MCU: variants seen among roughly 807,000 people sequenced by gnomAD.
MCU encodes the protein mitochondrial calcium uniporter, also known as calcium uniporter protein, mitochondrial.
Under a neutral mutation model 45.2 loss-of-function variants are expected in MCU, and 12 were observed. That is an observed-to-expected ratio of 0.27 (90% confidence interval 0.17 to 0.43). MCU has a LOEUF of 0.43. MCU is among the 20% of genes least tolerant of loss of function. The pLI is 1.00. For missense variants in MCU, 324 were observed against 436.7 expected (o/e 0.74, Z 2.30); for synonymous variants, 160 against 165.1 (o/e 0.97, Z 0.24).
chr10:72,753,210 G>A (rs906237056), intron 1 of MCU, among the ~76,000 whole-genome samples: 1 of 152,134 alleles, frequency 6.6e-6, no homozygotes, highest in African/African-American at 2.4e-5. Context: ...AGTGATCTGT[G>A]AGCATGATTA....
chr10:72,766,366 T>C (rs1843726566), intron 1 of MCU, among the ~76,000 whole-genome samples: 1 of 152,196 alleles, frequency 6.6e-6, no homozygotes, highest in African/African-American at 2.4e-5. Context: ...AGTCAAGGTT[T>C]GCCACAGTCT....
chr10:72,876,927 T>G (rs200124245), intron 6 of MCU, among the ~76,000 whole-genome samples: 24,142 of 149,452 alleles, frequency 0.16, 3,722 homozygotes, highest in African/African-American at 0.42. Context: ...CACAGTTTTT[T>G]TTTTTTTTTT....
chr10:72,698,958 C>T (rs1842722970), intron 1 of MCU, among the ~76,000 whole-genome samples: 1 of 152,088 alleles, frequency 6.6e-6, no homozygotes, highest in Non-Finnish European at 1.5e-5. Context: ...CACAATCCAC[C>T]ACACTGGGCT....
At position 72,813,511 on chromosome 10, in the gene MCU, T is replaced by C. The variant is rs144520934; in HGVS notation, c.151-20848T>C. Among the ~76,000 whole-genome samples, 419 of 130,906 alleles carry C rather than the reference T, an allele frequency of 3.2e-3. 4 individuals are homozygous for C. Among genetic ancestry groups the C allele is most frequent in the African/African-American group, 0.012 (394 of 34,114 alleles). The allele number at this position is 130,906 out of a possible 152,430, so 85.9% of individuals were successfully genotyped here. A position where few individuals can be genotyped will look rare whatever the true frequency, so the allele number is the denominator to read the frequency against. ...TCTTGCTCTGTTGCCCAAGCTGGAGTGCAGTGGCACAATCTTGTCTCACTG... is the reference window on the plus strand; with the variant it reads ...TCTTGCTCTGTTGCCCAAGCTGGAGCGCAGTGGCACAATCTTGTCTCACTG... On this transcript the variant is annotated intron_variant, in intron 1 of 7. Transcript: ENST00000373053.
chr10:72,753,060 G>A (rs1843525291), intron 1 of MCU, among the ~76,000 whole-genome samples: 1 of 152,154 alleles, frequency 6.6e-6, no homozygotes, highest in African/African-American at 2.4e-5. Flanking sequence ...AGTGGTTGTG[G>A]TGACTTTTTA....
chr10:72,712,130 A>G (rs1173453670), intron 1 of MCU, among the ~76,000 whole-genome samples: 1 of 152,084 alleles, frequency 6.6e-6, no homozygotes, highest in African/African-American at 2.4e-5. Context: ...TCTATTTCAT[A>G]TATTTAAACC....
At position 72,768,448 on chromosome 10, in the gene MCU, C is replaced by G. The variant is rs141166608; in HGVS notation, c.151-65911C>G. On this transcript the variant is annotated intron_variant, in intron 1 of 7. Transcript: ENST00000373053. Reference sequence around the variant, plus strand: ...AGAATTCCAGTAAATTAGAATTAGGCAAATCAGTCTTGAACACTATGCTAA... The same window carrying G: ...AGAATTCCAGTAAATTAGAATTAGGGAAATCAGTCTTGAACACTATGCTAA... Among the ~76,000 whole-genome samples, 684 of 152,226 alleles carry G rather than the reference C, an allele frequency of 4.5e-3. 5 individuals are homozygous for G. Among genetic ancestry groups the G allele is most frequent in the African/African-American group, 0.016 (651 of 41,542 alleles).
chr10:72,735,096 G>C (rs1445666938), intron 1 of MCU, among the ~76,000 whole-genome samples: 1 of 131,270 alleles, frequency 7.6e-6, no homozygotes, highest in Non-Finnish European at 1.6e-5. Context: ...AAATTCGTCT[G>C]TGTTGTATCA....
chr10:72,839,436 T>C, intron 2 of MCU, among the ~76,000 whole-genome samples: 1 of 152,144 alleles, frequency 6.6e-6, no homozygotes, highest in East Asian at 1.9e-4. Flanking sequence ...AGTTAAACCT[T>C]TTCCAAAAAT....
rs148281115 is a variant in MCU, at chr10:72,801,166, G to C, written c.151-33193G>C. Among the ~76,000 whole-genome samples the C allele has an allele frequency of 8.5e-5, 13 of 152,196 alleles. No individual in the cohort carries two copies. The East Asian group carries it at 2.5e-3, about 29-fold the overall frequency. Reference sequence around the variant, plus strand: ...ATTTTCACTAATTTGTGGGGGTGGGGATAGGTAGAGGCCATATTCATAGTA... The same window carrying C: ...ATTTTCACTAATTTGTGGGGGTGGGCATAGGTAGAGGCCATATTCATAGTA... On this transcript the variant is annotated intron_variant, in intron 1 of 7. Transcript: ENST00000373053.
At chr10:72,785,141 A>G (rs1482910543) in intron 1 of MCU, among the ~76,000 whole-genome samples, 1 of 152,184 alleles carries the variant, frequency 6.6e-6, no homozygotes, top group African/African-American at 2.4e-5. Context: ...TTCCACATAT[A>G]TTACACAGTC....
At chr10:72,692,872 T>C in intron 1 of MCU, 1 of 1,446,550 alleles carries the variant, frequency 6.9e-7, no homozygotes, top group Non-Finnish European at 9.1e-7. Flanking sequence ...TATTCCCCTC[T>C]GTGACTTCCT....
At chr10:72,879,154 T>G (rs1253213173) in intron 6 of MCU, among the ~76,000 whole-genome samples, 1 of 152,054 alleles carries the variant, frequency 6.6e-6, no homozygotes, top group Non-Finnish European at 1.5e-5. Context: ...TCCCAGCTAC[T>G]CGGGAGGCTG....
chr10:72,694,609 G>T (rs1842663966), intron 1 of MCU, among the ~76,000 whole-genome samples: 1 of 152,200 alleles, frequency 6.6e-6, no homozygotes, highest in South Asian at 2.1e-4. Context: ...TAGATGTTCT[G>T]GTAAAGGTCC....
intron 1 of MCU, among the ~76,000 whole-genome samples, chr10:72,740,191 C>T (rs1843307209): frequency 6.6e-6 from 1 of 151,568 alleles, no homozygotes. Flanking sequence ...ACCATCTGGC[C>T]AACATGATGA....
At chr10:72,766,140 T>G (rs1843723669) in intron 1 of MCU, among the ~76,000 whole-genome samples, 1 of 152,188 alleles carries the variant, frequency 6.6e-6, no homozygotes. Context: ...AGTGCTGGGA[T>G]TGCAGGCGTG....
chr10:72,748,843 A>G (rs1464202415), intron 1 of MCU, among the ~76,000 whole-genome samples: 3 of 152,234 alleles, frequency 2.0e-5, no homozygotes, highest in African/African-American at 7.2e-5. Context: ...TACTTTAAGG[A>G]AACAGGTAAA....
chr10:72,753,261 A>G (rs1014881988), intron 1 of MCU, among the ~76,000 whole-genome samples: 3 of 152,212 alleles, frequency 2.0e-5, no homozygotes, highest in Non-Finnish European at 4.4e-5. Context: ...AGAATATATG[A>G]TGTAAAAATT....
At chr10:72,861,981 CTTT>C (rs1252900155) in intron 4 of MCU, among the ~76,000 whole-genome samples, 3 of 131,846 alleles carry the variant, frequency 2.3e-5, no homozygotes, top group Non-Finnish European at 1.6e-5. Context: ...TGAGTTGTGT[CTTT>C]TTTTTTTTTT....
Sources: allele counts gnomAD v4.1 joint callset (sites outside exome capture counted in the v4.1 genomes callset), GRCh38; gene constraint gnomAD v4.1.1; transcripts MANE v1.5; gene names NCBI Gene and HGNC (gene_info 2026-07-23, HGNC 2026-07-21).